The following LRPAP1 variants were observed in gnomAD, a reference collection of about 807,000 sequenced individuals.
LRPAP1 encodes alpha-2-macroglobulin receptor-associated protein.
In LRPAP1, 41 loss-of-function variants were observed where a neutral mutation model predicts 39.9. The observed-to-expected ratio is 1.03, with a 90% confidence interval of 0.80 to 1.33. LRPAP1 has a LOEUF of 1.33. LRPAP1 is among the 40% of genes most tolerant of loss of function. The pLI, the probability that LRPAP1 is intolerant of heterozygous loss-of-function variation, is 0.00. For missense variants in LRPAP1, 565 were observed against 482.3 expected (o/e 1.17, Z -1.61); for synonymous variants, 263 against 212.7 (o/e 1.24, Z -2.06).
chr4:3,524,968 T>G lies in LRPAP1; in HGVS notation c.288A>C (p.Leu96=). ...QERDELAWKK[L]KLDGLDEDGE... Reference sequence around the variant, plus strand: ...CATCTTCGTCCAAGCCGTCAAGCTTTAGTTTCTTCCAGGCGAGTTCGTCCC... The same window carrying G: ...CATCTTCGTCCAAGCCGTCAAGCTTGAGTTTCTTCCAGGCGAGTTCGTCCC... Residue 96 remains leucine, a synonymous_variant, in exon 2 of 8, where the codon CTA becomes CTC. Coordinates refer to ENST00000650182, the MANE Select transcript of LRPAP1 (RefSeq NM_002337.4). 1 of 1,614,162 alleles carries G rather than the reference T, an allele frequency of 6.2e-7. No individual in the cohort carries two copies. Among genetic ancestry groups the G allele is most frequent in the East Asian group, 2.2e-5 (1 of 44,884 alleles).
At position 3,530,035 on chromosome 4, in the gene LRPAP1, C is replaced by T. The variant is rs547134014; in HGVS notation, c.204+2174G>A. On this transcript the variant is annotated intron_variant, in intron 1 of 7. Coordinates refer to ENST00000650182, the MANE Select transcript of LRPAP1 (RefSeq NM_002337.4). ...TTATCTTCCAGGGGGCGATCCAAGA[C>T]CCCGTCTCCGTCTGATACCTACCTA... is the stretch of plus-strand genomic sequence containing the variant. 3.9e-5 allele frequency among the ~76,000 whole-genome samples: 6 copies of T among 152,330 alleles called. No individual in the cohort carries two copies. In the South Asian group the frequency reaches 1.2e-3, roughly 32 times the overall value.
At chr4:3,530,921 C>T (rs769120457) in intron 1 of LRPAP1, among the ~76,000 whole-genome samples, 11 of 152,086 alleles carry the variant, frequency 7.2e-5, no homozygotes, top group Non-Finnish European at 1.0e-4. Context: ...TTCGGGCTCC[C>T]CATTCCTCAT....
rs181591817 is a variant in LRPAP1, at chr4:3,507,062, C to T, written c.*5912G>A. The T allele has an allele frequency of 6.6e-6, 1 of 152,048 alleles. No homozygotes were observed. Among genetic ancestry groups the T allele is most frequent in the Non-Finnish European group, 1.5e-5 (1 of 68,030 alleles). 9.4% of individuals were successfully genotyped at this position (152,048 alleles called of 1,614,324 possible). A position where few individuals can be genotyped will look rare whatever the true frequency, so the allele number is the denominator to read the frequency against. On this transcript the variant is annotated 3_prime_UTR_variant, in exon 8 of 8. Transcript: ENST00000650182. ...CGAGACCCAGTCTCTATAAAAAAAACCTTTTCTTTAAATTAGCAGAGCATA... is the reference window on the plus strand; with the variant it reads ...CGAGACCCAGTCTCTATAAAAAAAATCTTTTCTTTAAATTAGCAGAGCATA...
In LRPAP1 at chr4:3,511,159, TC is replaced by T. The variant is rs1729495005; in HGVS notation, c.*1814del. ...ACCCAGCTGGGAGAAAGAAACACAG[TC>T]CAACCACTTTGGAATCATCTCTATA... On this transcript the variant is annotated 3_prime_UTR_variant, in exon 8 of 8. Transcript: ENST00000650182. 6.6e-6 allele frequency: 1 copy of T among 152,138 alleles called. No homozygotes were observed. The highest frequency in any genetic ancestry group is 2.1e-4 in the South Asian group (1 of 4,818). 9.4% of individuals were successfully genotyped at this position (152,138 alleles called of 1,614,324 possible). A position where few individuals can be genotyped will look rare whatever the true frequency, so the allele number is the denominator to read the frequency against.
intron 4 of LRPAP1, 41 bp downstream of exon 4, chr4:3,518,830 G>A (rs1729814178): frequency 1.5e-6 from 2 of 1,329,056 alleles, no homozygotes; most frequent in South Asian, 2.8e-5. Context: ...GGGCAGGAGG[G>A]GGTGGGGCAG....
chr4:3,524,906 C>CCAT lies in LRPAP1; in HGVS notation c.347_349dup (p.Asn116_Val117insAsp). ...CTGCATTAGGAAAGAAACAAACGTACCATTGAGGTTGCGTATGAGTCTCGC... is the reference window on the plus strand; with the variant it reads ...CTGCATTAGGAAAGAAACAAACGTACCATCATTGAGGTTGCGTATGAGTCTCGC... On this transcript the variant is annotated inframe_insertion and splice_region_variant. Coordinates refer to ENST00000650182, the MANE Select transcript of LRPAP1 (RefSeq NM_002337.4). 1 of 1,614,130 alleles carries CCAT rather than the reference C, an allele frequency of 6.2e-7. No homozygotes were observed.
At chr4:3,524,851 C>G in intron 2 of LRPAP1, 56 bp downstream of exon 2, 1 of 1,591,542 alleles carries the variant, frequency 6.3e-7, no homozygotes. Context: ...CACTGCCGCT[C>G]TCAAGCATTT....
chr4:3,513,770 G>A (rs902524694), intron 7 of LRPAP1, among the ~76,000 whole-genome samples: 4 of 152,202 alleles, frequency 2.6e-5, no homozygotes, highest in African/African-American at 9.6e-5. Flanking sequence ...GTGGCAGCAG[G>A]TGCTGCGTCA....
chr4:3,515,392 T>C (rs1047817626), intron 6 of LRPAP1, among the ~76,000 whole-genome samples: 3 of 152,168 alleles, frequency 2.0e-5, no homozygotes, highest in African/African-American at 7.2e-5. Flanking sequence ...CCAAGCCCCA[T>C]GCACGTGCCT....
rs528570646 is a variant in LRPAP1 at position 3,524,113 on chromosome 4, G to C, written c.349+794C>G. ...ACTCTCCGGAGCAGCCCCAACCCCAGTCCCACGGGCCCACCTGGTGTGCGT... is the reference window on the plus strand; with the variant it reads ...ACTCTCCGGAGCAGCCCCAACCCCACTCCCACGGGCCCACCTGGTGTGCGT... On this transcript the variant is annotated intron_variant, in intron 2 of 7. Coordinates refer to ENST00000650182, the MANE Select transcript of LRPAP1 (RefSeq NM_002337.4). Among the ~76,000 whole-genome samples, 356 of 152,300 alleles carry C rather than the reference G, an allele frequency of 2.3e-3. 2 individuals are homozygous for C. The highest frequency in any genetic ancestry group is 7.9e-3 in the African/African-American group (329 of 41,566).
Position 3,520,154 on chromosome 4 carries a change from G to A in LRPAP1, c.389C>T (p.Ala130Val), listed in dbSNP as rs989749261. ...AKYGLDGKKD[A>V]RQVTSNSLSG... ...GAGGGAGTTGCTGGTCACCTGCCGAGCGTCCTTCTTTCCGTCCAGACCATA... is the reference window on the plus strand; with the variant it reads ...GAGGGAGTTGCTGGTCACCTGCCGAACGTCCTTCTTTCCGTCCAGACCATA... Residue 130 changes from alanine (A) to valine (V), a missense_variant, in exon 3 of 8, where the codon GCT becomes GTT. Physicochemically the swap from Ala to Val is moderately conservative, Grantham distance 64. Transcript: ENST00000650182. The A allele has an allele frequency of 1.9e-6, 3 of 1,614,204 alleles. No individual in the cohort carries two copies. Among genetic ancestry groups the A allele is most frequent in the Non-Finnish European group, 8.5e-7 (1 of 1,180,036 alleles).
chr4:3,513,934 C>T (rs951975226), intron 7 of LRPAP1, among the ~76,000 whole-genome samples: 4 of 152,262 alleles, frequency 2.6e-5, no homozygotes, highest in African/African-American at 7.2e-5. Flanking sequence ...TCTGCCCCAA[C>T]GGTGCGGGTG....
intron 1 of LRPAP1, among the ~76,000 whole-genome samples, chr4:3,530,404 G>A (rs543775280): frequency 6.6e-6 from 1 of 152,332 alleles, no homozygotes; most frequent in South Asian, 2.1e-4. Flanking sequence ...TCTGGAATGG[G>A]GGAAGACACA....
In LRPAP1 at chr4:3,514,963, C is replaced by T. The variant is rs546485062; in HGVS notation, c.835-35G>A. On this transcript the variant is annotated intron_variant, in intron 6 of 7. Coordinates refer to ENST00000650182, the MANE Select transcript of LRPAP1 (RefSeq NM_002337.4). ...GGTTTCCATAGGTGAGTGTTCCCTT[C>T]CCGTGCTCGCCACGCCATCTTGTGG... 6 of 1,600,866 alleles carry T rather than the reference C, an allele frequency of 3.7e-6. No homozygotes were observed. In the East Asian group the frequency reaches 6.7e-5, roughly 18 times the overall value.
intron 2 of LRPAP1, among the ~76,000 whole-genome samples, chr4:3,521,174 C>T (rs1421676556): frequency 1.3e-5 from 2 of 152,186 alleles, no homozygotes; most frequent in African/African-American, 4.8e-5. Context: ...GGCTTGCCTG[C>T]CCGCCCTTTC....
intron 2 of LRPAP1, among the ~76,000 whole-genome samples, chr4:3,523,475 G>C (rs149185138): frequency 6.6e-6 from 1 of 152,202 alleles, no homozygotes; most frequent in African/African-American, 2.4e-5. Flanking sequence ...TAACCCGGGC[G>C]CAGCCACATG....
chr4:3,519,120 TCACGAA>T, intron 3 of LRPAP1, 129 bp from the exon 4 acceptor site: 1 of 1,446,382 alleles, frequency 6.9e-7, no homozygotes, highest in Non-Finnish European at 9.2e-7. Context: ...GTTCTTGGCC[TCACGAA>T]GGGCAGGAAA....
In LRPAP1 at chr4:3,532,342, C is replaced by T; in HGVS notation, c.71G>A (p.Gly24Glu). The T allele has an allele frequency of 6.3e-7, 1 of 1,592,244 alleles. No homozygotes were observed. The highest frequency in any genetic ancestry group is 1.1e-5 in the South Asian group (1 of 88,066). Residue 24 changes from glycine to glutamate, a missense_variant, in exon 1 of 8, where the codon GGG (glycine) becomes GAG (glutamate). By Grantham distance (98) the Gly-to-Glu change is moderately conservative. Transcript: ENST00000650182. ...PALLLLLLFL[G>E]PWPAASHGGK... ...GCCGTGGCTCGCAGCGGGCCAGGGCCCGAGGAAGAGCAGCAGCAGTAGCAG... is the reference window on the plus strand; with the variant it reads ...GCCGTGGCTCGCAGCGGGCCAGGGCTCGAGGAAGAGCAGCAGCAGTAGCAG...
At chr4:3,529,757 A>G (rs1049197188) in intron 1 of LRPAP1, among the ~76,000 whole-genome samples, 1 of 152,212 alleles carries the variant, frequency 6.6e-6, no homozygotes, top group Non-Finnish European at 1.5e-5. Context: ...CGCAGGTCTC[A>G]CAGCCCAAGC....
Sources: allele counts gnomAD v4.1 joint callset (sites outside exome capture counted in the v4.1 genomes callset), GRCh38; gene constraint gnomAD v4.1.1; transcripts MANE v1.5; gene names NCBI Gene and HGNC (gene_info 2026-07-23, HGNC 2026-07-21).